The following COL24A1 variants were observed in gnomAD, a reference collection of about 807,000 sequenced individuals.
COL24A1 encodes the protein collagen alpha-1(XXIV) chain.
COL24A1 carries 224 observed loss-of-function variants against 253.9 expected under a neutral mutation model. The ratio of observed to expected loss-of-function variants is 0.88; its 90% CI spans 0.79 to 0.99. The LOEUF is 0.99. Among genes scored for constraint, COL24A1 ranks in the 50% least tolerant of loss-of-function variants. COL24A1 has a pLI of 0.00. For missense variants in COL24A1, 2,131 were observed against 2,068.5 expected, an observed-to-expected ratio of 1.03 and a Z score of -0.59; for synonymous variants, 685 against 673.7, an observed-to-expected ratio of 1.02 and a Z score of -0.26.
chr1:85,780,606 G>T (rs1385673371), intron 52 of COL24A1, among the ~76,000 whole-genome samples: 1 of 152,264 alleles, frequency 6.6e-6, no homozygotes, highest in East Asian at 1.9e-4. Context: ...CTATCACCTT[G>T]AATGACTAGA....
chr1:86,069,814 C>T (rs1701743206), intron 7 of COL24A1, among the ~76,000 whole-genome samples: 1 of 152,210 alleles, frequency 6.6e-6, no homozygotes, highest in South Asian at 2.1e-4. Flanking sequence ...GGGCTTGGGG[C>T]CCAAGTCCCT....
chr1:86,029,150 G>GAA (rs5775883), intron 14 of COL24A1, among the ~76,000 whole-genome samples: 3,461 of 148,490 alleles, frequency 0.023, 63 homozygotes, highest in African/African-American at 0.041. Context: ...AAGTTCTCAG[G>GAA]AAAAAAAAAA....
chr1:85,886,936 G>A (rs567987177), intron 32 of COL24A1, among the ~76,000 whole-genome samples: 1 of 152,148 alleles, frequency 6.6e-6, no homozygotes, highest in African/African-American at 2.4e-5. Flanking sequence ...CTGATATAGA[G>A]TACTCTTATC....
At chr1:85,960,068 A>G (rs1690864203) in intron 24 of COL24A1, among the ~76,000 whole-genome samples, 1 of 152,182 alleles carries the variant, frequency 6.6e-6, no homozygotes, top group South Asian at 2.1e-4. Context: ...AGGTATGGCA[A>G]TTATCTTTTA....
intron 19 of COL24A1, among the ~76,000 whole-genome samples, chr1:86,002,862 C>A (rs920160686): frequency 2.6e-5 from 4 of 152,050 alleles, no homozygotes; most frequent in Admixed American, 1.3e-4. Context: ...AAAGGCACAC[C>A]TTTTGGGGTC....
At chr1:86,031,029 A>T (rs571717691) in intron 14 of COL24A1, among the ~76,000 whole-genome samples, 1 of 152,196 alleles carries the variant, frequency 6.6e-6, no homozygotes, top group Non-Finnish European at 1.5e-5. Flanking sequence ...CACTATTCAC[A>T]ATAGCCAAAA....
intron 25 of COL24A1, among the ~76,000 whole-genome samples, chr1:85,910,207 TG>T (rs1447288051): frequency 2.6e-5 from 4 of 151,932 alleles, no homozygotes; most frequent in Non-Finnish European, 4.4e-5. Flanking sequence ...TATCTTAAGA[TG>T]TTTTTTGGAG....
chr1:86,003,156 C>A (rs1306358425), intron 19 of COL24A1, among the ~76,000 whole-genome samples: 2 of 152,148 alleles, frequency 1.3e-5, no homozygotes, highest in African/African-American at 2.4e-5. Flanking sequence ...TCATCTGAAG[C>A]AGAAAATACT....
rs761616410 is a variant in COL24A1 at position 85,842,054 on chromosome 1, A to G, written c.3570+14T>C. 7 of 1,610,402 alleles carry G rather than the reference A, an allele frequency of 4.3e-6. No individual in the cohort carries two copies. In the African/African-American group the frequency reaches 6.7e-5, roughly 15 times the overall value. On this transcript the variant is annotated intron_variant, in intron 41 of 59. Coordinates refer to ENST00000370571, the MANE Select transcript of COL24A1 (RefSeq NM_152890.7). ...GTTTAACTTTAAGATTAAAAAGCCA[A>G]TATATACACAAACCTTTTCTCCTTT... is the stretch of plus-strand genomic sequence containing the variant.
chr1:85,769,670 G>A (rs1329801082), intron 53 of COL24A1, among the ~76,000 whole-genome samples: 1 of 152,134 alleles, frequency 6.6e-6, no homozygotes, highest in Non-Finnish European at 1.5e-5. Flanking sequence ...TAATCAGGCT[G>A]CAGAATCTGG....
chr1:85,796,013 A>G (rs1367072999), intron 47 of COL24A1, among the ~76,000 whole-genome samples: 2 of 152,224 alleles, frequency 1.3e-5, no homozygotes, highest in Non-Finnish European at 2.9e-5. Flanking sequence ...TACATTTTAC[A>G]TAAATAATGT....
At chr1:85,865,293 T>C (rs1351550142) in intron 37 of COL24A1, among the ~76,000 whole-genome samples, 1 of 152,204 alleles carries the variant, frequency 6.6e-6, no homozygotes, top group Non-Finnish European at 1.5e-5. Flanking sequence ...TTAGGGTGCC[T>C]GATTAAGCAA....
At chr1:86,020,836 G>T (rs1697463803) in intron 18 of COL24A1, among the ~76,000 whole-genome samples, 1 of 152,122 alleles carries the variant, frequency 6.6e-6, no homozygotes, top group Non-Finnish European at 1.5e-5. Flanking sequence ...TCATGACCTA[G>T]TCTCATGATC....
At chr1:85,884,784 C>T (rs767762627) in intron 32 of COL24A1, among the ~76,000 whole-genome samples, 1 of 152,122 alleles carries the variant, frequency 6.6e-6, no homozygotes, top group Non-Finnish European at 1.5e-5. Flanking sequence ...TCAGAGAATT[C>T]TAGGTGTTTT....
At chr1:85,913,783 A>C (rs1290725806) in intron 24 of COL24A1, among the ~76,000 whole-genome samples, 1 of 152,212 alleles carries the variant, frequency 6.6e-6, no homozygotes, top group Non-Finnish European at 1.5e-5. Context: ...GGTCAATGGA[A>C]AATTACAACA....
chr1:86,102,424 T>C (rs911077758), intron 5 of COL24A1, among the ~76,000 whole-genome samples: 1 of 152,234 alleles, frequency 6.6e-6, no homozygotes, highest in Admixed American at 6.5e-5. Flanking sequence ...TGTCTTCTGC[T>C]AACTTTGAGG....
chr1:86,028,334 C>T (rs1186253571), intron 14 of COL24A1, among the ~76,000 whole-genome samples: 1 of 152,206 alleles, frequency 6.6e-6, no homozygotes, highest in Non-Finnish European at 1.5e-5. Context: ...AAAATCTCAT[C>T]TTGAATTATA....
At chr1:85,947,647 TA>T (rs201394742) in intron 24 of COL24A1, among the ~76,000 whole-genome samples, 1 of 152,246 alleles carries the variant, frequency 6.6e-6, no homozygotes, top group African/African-American at 2.4e-5. Flanking sequence ...AAAGCTGACT[TA>T]AAAAAATCAG....
At chr1:85,913,003 T>C (rs1014312496) in intron 24 of COL24A1, among the ~76,000 whole-genome samples, 17 of 152,234 alleles carry the variant, frequency 1.1e-4, no homozygotes, top group African/African-American at 3.9e-4. Flanking sequence ...TTTAAAATTA[T>C]ATATGTGGCT....
Sources: allele counts gnomAD v4.1 joint callset (sites outside exome capture counted in the v4.1 genomes callset), GRCh38; gene constraint gnomAD v4.1.1; transcripts MANE v1.5; gene names NCBI Gene and HGNC (gene_info 2026-07-23, HGNC 2026-07-21).